Variants in UNC13C observed in about 807,000 individuals in gnomAD.
The protein encoded by UNC13C is protein unc-13 homolog C.
Under a neutral mutation model 245.4 loss-of-function variants are expected in UNC13C, and 174 were observed. That is an observed-to-expected ratio of 0.71 (90% CI 0.63 to 0.80). The LOEUF (loss-of-function observed/expected upper bound fraction) is 0.80. UNC13C is among the 30% of genes least tolerant of loss of function. The probability of loss-of-function intolerance (pLI) is 0.00; values close to 1 mark genes in which losing one functional copy is unlikely to be tolerated. For synonymous variants in UNC13C, 992 were observed against 895.1 expected (o/e 1.11, Z -1.93); for missense variants, 2,829 against 2,602.9 (o/e 1.09, Z -1.89).
chr15:54,088,398 C>T (rs1455345902), intron 2 of UNC13C, among the ~76,000 whole-genome samples: 1 of 151,966 alleles, frequency 6.6e-6, no homozygotes, highest in Non-Finnish European at 1.5e-5. Flanking sequence ...CTATTTGGAC[C>T]ATGAAGGGAG....
the UNC13C span, among the ~76,000 whole-genome samples, chr15:53,957,523 A>T: frequency 1.3e-5 from 2 of 152,194 alleles, no homozygotes; most frequent in Non-Finnish European, 2.9e-5. Context: ...ATAATTTTTA[A>T]AAAATCTCAC....
chr15:54,624,687 T>G (rs1311263405), intron 32 of UNC13C, among the ~76,000 whole-genome samples: 3 of 152,126 alleles, frequency 2.0e-5, no homozygotes, highest in African/African-American at 7.2e-5. Context: ...GTCCAGGCAA[T>G]AGCTATTAGT....
At chr15:54,614,300 CTT>C (rs2141295075) in intron 30 of UNC13C, among the ~76,000 whole-genome samples, 1 of 152,022 alleles carries the variant, frequency 6.6e-6, no homozygotes, top group East Asian at 1.9e-4. Flanking sequence ...ACTCCCAAGA[CTT>C]TCATAATTAA....
rs562273222 is a variant in UNC13C, at chr15:54,489,939, G to C, written c.4934-4669G>C. On this transcript the variant is annotated intron_variant, in intron 19 of 32. Transcript: ENST00000260323. ...ATATTGAAAATCTTTTATTATATCA[G>C]CTGAAGTGCATAATGCATGAAAAAA... Among the ~76,000 whole-genome samples the C allele has an allele frequency of 8.5e-5, 13 of 152,218 alleles. No homozygotes were observed. In the South Asian group the frequency reaches 2.1e-3, roughly 24 times the overall value.
At chr15:54,524,622 A>T (rs1895366973) in intron 24 of UNC13C, among the ~76,000 whole-genome samples, 1 of 152,202 alleles carries the variant, frequency 6.6e-6, no homozygotes. Flanking sequence ...ACTTATGTCC[A>T]ATGCACCCTC....
At chr15:54,124,013 T>C (rs1456572277) in intron 2 of UNC13C, among the ~76,000 whole-genome samples, 2 of 152,210 alleles carry the variant, frequency 1.3e-5, no homozygotes, top group African/African-American at 2.4e-5. Context: ...ATTCAAATTA[T>C]TGCATGTATC....
At chr15:54,358,476 T>C (rs1203523558) in intron 17 of UNC13C, among the ~76,000 whole-genome samples, 1 of 152,128 alleles carries the variant, frequency 6.6e-6, no homozygotes, top group Non-Finnish European at 1.5e-5. Context: ...TCCAATTATT[T>C]GCATCTTCTT....
At chr15:54,430,712 A>T (rs1267140803) in intron 19 of UNC13C, among the ~76,000 whole-genome samples, 1 of 151,752 alleles carries the variant, frequency 6.6e-6, no homozygotes, top group African/African-American at 2.4e-5. Flanking sequence ...TTTGCATGAG[A>T]ATTTAAAACA....
intron 2 of UNC13C, among the ~76,000 whole-genome samples, chr15:54,022,536 T>G (rs1895945709): frequency 6.6e-6 from 1 of 152,230 alleles, no homozygotes; most frequent in African/African-American, 2.4e-5. Context: ...ATCTTCCATT[T>G]ACATCTATCC....
rs555948839 is a variant in UNC13C, at chr15:54,431,860, T to C, written c.4933+16793T>C. Among the ~76,000 whole-genome samples the C allele has an allele frequency of 3.3e-5, 5 of 151,716 alleles. No homozygotes were observed. The South Asian group carries it at 1.0e-3, about 31-fold the overall frequency. ...GAGATCACATTAATCAATTTTTACA[T>C]TTCAAAATAGCTAGAAGAAAATAAT... On this transcript the variant is annotated intron_variant, in intron 19 of 32. Transcript: ENST00000260323.
intron 17 of UNC13C, among the ~76,000 whole-genome samples, chr15:54,351,712 A>G (rs890320603): frequency 6.6e-6 from 1 of 152,090 alleles, no homozygotes; most frequent in Non-Finnish European, 1.5e-5. Context: ...TTTATATCCA[A>G]CCTAACGCTT....
chr15:53,901,051 A>T, the UNC13C span, among the ~76,000 whole-genome samples: 1 of 152,008 alleles, frequency 6.6e-6, no homozygotes, highest in South Asian at 2.1e-4. Flanking sequence ...ACACATATAA[A>T]GTATAATAAT....
chr15:54,382,616 A>G (rs2039751736), intron 17 of UNC13C, among the ~76,000 whole-genome samples: 1 of 151,988 alleles, frequency 6.6e-6, no homozygotes, highest in Admixed American at 6.6e-5. Flanking sequence ...AAAAACTCAG[A>G]AAGATTTCAA....
intron 1 of UNC13C, among the ~76,000 whole-genome samples, chr15:54,006,761 C>T (rs536914185): frequency 1.3e-5 from 2 of 152,316 alleles, no homozygotes; most frequent in African/African-American, 4.8e-5. Flanking sequence ...ACATGCTCCC[C>T]TTTATCAATC....
At chr15:54,622,725 C>T (rs1035408670) in intron 31 of UNC13C, among the ~76,000 whole-genome samples, 1 of 152,102 alleles carries the variant, frequency 6.6e-6, no homozygotes. Flanking sequence ...AATATTAAGT[C>T]AGTATGTTCT....
At chr15:54,589,090 C>A (rs1013121768) in intron 30 of UNC13C, among the ~76,000 whole-genome samples, 6 of 152,068 alleles carry the variant, frequency 3.9e-5, no homozygotes, top group African/African-American at 1.2e-4. Context: ...TACTAGTTTA[C>A]ATTCCCACCA....
At chr15:54,441,569 A>G (rs899139067) in intron 19 of UNC13C, among the ~76,000 whole-genome samples, 2 of 152,058 alleles carry the variant, frequency 1.3e-5, no homozygotes, top group Non-Finnish European at 2.9e-5. Flanking sequence ...TTTCATACCA[A>G]TACCATGCTA....
rs1173642027 is a variant in UNC13C at position 54,393,122 on chromosome 15, T to A, written c.4788T>A (p.Ile1596=). The A allele has an allele frequency of 1.2e-6, 2 of 1,611,230 alleles. No individual in the cohort carries two copies. The highest frequency in any genetic ancestry group is 4.5e-5 in the East Asian group (2 of 44,786). Residue 1596 remains isoleucine (I), a synonymous_variant, in exon 18 of 33, where the codon ATT becomes ATA. Coordinates refer to ENST00000260323, the MANE Select transcript of UNC13C (RefSeq NM_001080534.3). ...ATTTGGATTTTTGGCCCCAACTTAT[T>A]ACACTGATGGTTACTATTATTGATG... The part of the protein sequence containing the change: ...TKNLDFWPQL[I]TLMVTIIDED...
intron 2 of UNC13C, among the ~76,000 whole-genome samples, chr15:54,016,600 C>T (rs1000862374): frequency 1.3e-5 from 2 of 151,736 alleles, no homozygotes; most frequent in African/African-American, 4.9e-5. Flanking sequence ...GAGAAGAGTA[C>T]CTTAACTAAC....
Sources: gnomAD v4.1 joint callset for allele counts (sites outside exome capture counted in the v4.1 genomes callset) on GRCh38, gnomAD v4.1.1 for gene constraint, MANE v1.5 for transcripts, NCBI Gene and HGNC (gene_info 2026-07-23, HGNC 2026-07-21) for gene names.